Variants in NCAM2 observed in about 807,000 individuals in gnomAD.
The protein encoded by NCAM2 is neural cell adhesion molecule 2.
NCAM2 carries 30 observed loss-of-function variants against 98.1 expected under a neutral mutation model. The observed-to-expected ratio is 0.31, with a 90% CI of 0.23 to 0.41. NCAM2 has a LOEUF of 0.41. NCAM2 is among the 10% of genes least tolerant of loss of function. The probability of loss-of-function intolerance (pLI) is 1.00; values close to 1 mark genes in which losing one functional copy is unlikely to be tolerated. For missense variants in NCAM2, 867 were observed against 1,005.8 expected (o/e 0.86, Z 1.87); for synonymous variants, 368 against 342.4 (o/e 1.07, Z -0.83).
At chr21:21,314,775 T>TTGC (rs912664126) in intron 5 of NCAM2, among the ~76,000 whole-genome samples, 1 of 152,232 alleles carries the variant, frequency 6.6e-6, no homozygotes, top group African/African-American at 2.4e-5. Flanking sequence ...GTTGTTGTTG[T>TTGC]TGTTAACATA....
At chr21:21,358,276 G>A (rs1309761452) in intron 8 of NCAM2, among the ~76,000 whole-genome samples, 1 of 151,982 alleles carries the variant, frequency 6.6e-6, no homozygotes, top group Non-Finnish European at 1.5e-5. Context: ...ATCACATAAG[G>A]AGCTGTATAC....
At chr21:21,153,738 G>A (rs2067520408) in intron 1 of NCAM2, among the ~76,000 whole-genome samples, 1 of 151,872 alleles carries the variant, frequency 6.6e-6, no homozygotes, top group Non-Finnish European at 1.5e-5. Context: ...AAAATGTGAA[G>A]AGTATTGAAT....
intron 12 of NCAM2, among the ~76,000 whole-genome samples, chr21:21,436,092 T>C (rs1247820637): frequency 6.6e-6 from 1 of 152,238 alleles, no homozygotes; most frequent in Non-Finnish European, 1.5e-5. Flanking sequence ...TTCATCAGAA[T>C]AACATGATTT....
intron 1 of NCAM2, among the ~76,000 whole-genome samples, chr21:21,184,694 C>A (rs1003299665): frequency 5.3e-5 from 8 of 152,058 alleles, no homozygotes; most frequent in Non-Finnish European, 8.8e-5. Context: ...TATGTCACAT[C>A]CCAGTTTCTT....
chr21:21,471,398 T>C (rs777959920), intron 14 of NCAM2, among the ~76,000 whole-genome samples: 1 of 152,088 alleles, frequency 6.6e-6, no homozygotes, highest in Non-Finnish European at 1.5e-5. Context: ...CTGTTCTCTT[T>C]ATATGATTCC....
At chr21:21,243,659 C>A (rs1315329681) in intron 1 of NCAM2, among the ~76,000 whole-genome samples, 1 of 152,146 alleles carries the variant, frequency 6.6e-6, no homozygotes, top group Non-Finnish European at 1.5e-5. Flanking sequence ...AAACCTGAGA[C>A]TATTCCTCTA....
intron 9 of NCAM2, among the ~76,000 whole-genome samples, chr21:21,393,726 T>C (rs1229787547): frequency 2.0e-5 from 3 of 152,108 alleles, no homozygotes; most frequent in Non-Finnish European, 4.4e-5. Flanking sequence ...ATGAAAGAGG[T>C]TCATTTAATC....
At chr21:21,248,271 C>T (rs929806734) in intron 1 of NCAM2, among the ~76,000 whole-genome samples, 37 of 151,742 alleles carry the variant, frequency 2.4e-4, no homozygotes, top group Non-Finnish European at 7.4e-5. Context: ...TAAAAGTAAC[C>T]CGAATTATGA....
chr21:20,998,720 A>G, intron 1 of NCAM2, 102 bp downstream of exon 1: 2 of 1,105,894 alleles, frequency 1.8e-6, no homozygotes, highest in Non-Finnish European at 2.7e-6. Context: ...AAAGAACTAA[A>G]GTTACAGTTA....
chr21:21,189,224 A>G (rs1015625031), intron 1 of NCAM2, among the ~76,000 whole-genome samples: 1 of 152,160 alleles, frequency 6.6e-6, no homozygotes, highest in Non-Finnish European at 1.5e-5. Context: ...TCTATTTTTA[A>G]TGTTTTGTTC....
At chr21:21,460,877 A>C (rs1037537152) in intron 12 of NCAM2, among the ~76,000 whole-genome samples, 1 of 151,864 alleles carries the variant, frequency 6.6e-6, no homozygotes, top group African/African-American at 2.4e-5. Context: ...CCGTCAGCAC[A>C]GAAGAGAGAA....
At chr21:21,454,463 A>G (rs1288565013) in intron 12 of NCAM2, among the ~76,000 whole-genome samples, 1 of 152,006 alleles carries the variant, frequency 6.6e-6, no homozygotes, top group Non-Finnish European at 1.5e-5. Context: ...TCCCTAACTT[A>G]TGTATGGGTA....
Position 21,497,577 on chromosome 21 carries a change from A to G in NCAM2, c.2078-11274A>G, listed in dbSNP as rs146501270. Among the ~76,000 whole-genome samples the G allele has an allele frequency of 4.8e-3, 724 of 152,254 alleles. 3 individuals carry two copies. Among genetic ancestry groups the G allele is most frequent in the African/African-American group, 0.017 (695 of 41,558 alleles). On this transcript the variant is annotated intron_variant, in intron 15 of 17. Coordinates refer to ENST00000400546, the MANE Select transcript of NCAM2 (RefSeq NM_004540.5). The stretch of plus-strand genomic sequence containing the variant: ...TAGGATTTTGAAGTGATTTGAAGGA[A>G]AATTTTGGATTGCCACTGAGTTTAT...
At chr21:21,029,163 A>G (rs556340901) in intron 1 of NCAM2, among the ~76,000 whole-genome samples, 12 of 152,344 alleles carry the variant, frequency 7.9e-5, no homozygotes, top group African/African-American at 2.9e-4. Context: ...TAACAAAGAT[A>G]TGCTTTTACA....
intron 1 of NCAM2, among the ~76,000 whole-genome samples, chr21:21,053,407 A>T (rs2065150191): frequency 6.6e-6 from 1 of 151,958 alleles, no homozygotes; most frequent in African/African-American, 2.4e-5. Flanking sequence ...TACTGATGAA[A>T]CTAACCTGTG....
intron 16 of NCAM2, among the ~76,000 whole-genome samples, chr21:21,513,707 T>C (rs1431642875): frequency 6.6e-6 from 1 of 152,128 alleles, no homozygotes; most frequent in Non-Finnish European, 1.5e-5. Context: ...GTTTATTAGG[T>C]CCATTTGGTC....
chr21:21,419,466 C>T (rs982988720), intron 11 of NCAM2, among the ~76,000 whole-genome samples: 1 of 148,884 alleles, frequency 6.7e-6, no homozygotes, highest in African/African-American at 2.5e-5. Flanking sequence ...CCCATTAACT[C>T]GTCATTTAGC....
chr21:21,418,412 T>G, intron 10 of NCAM2, 61 bp from the exon 11 acceptor site: 1 of 1,236,612 alleles, frequency 8.1e-7, no homozygotes, highest in South Asian at 1.2e-5. Context: ...CATACTGGGG[T>G]TTATTATAAA....
At chr21:21,255,898 G>A (rs2071649199) in intron 1 of NCAM2, among the ~76,000 whole-genome samples, 1 of 152,128 alleles carries the variant, frequency 6.6e-6, no homozygotes, top group Non-Finnish European at 1.5e-5. Context: ...CAGCTTGACT[G>A]TGACCTCAAC....
Sources: gnomAD v4.1 joint callset for allele counts (sites outside exome capture counted in the v4.1 genomes callset) on GRCh38, gnomAD v4.1.1 for gene constraint, MANE v1.5 for transcripts, NCBI Gene and HGNC (gene_info 2026-07-23, HGNC 2026-07-21) for gene names.